C1orf146: variants seen among roughly 807,000 people sequenced by gnomAD.
C1orf146 encodes chromosome 1 open reading frame 146.
C1orf146 carries 22 observed loss-of-function variants against 23.0 expected under a neutral mutation model. The observed-to-expected ratio is 0.96, with a 90% CI of 0.68 to 1.36. C1orf146 has a LOEUF of 1.36. Ranked by LOEUF, C1orf146 falls within the 40% of genes most tolerant of loss-of-function variation. The pLI, the probability that C1orf146 is intolerant of heterozygous loss-of-function variation, is 0.00. For missense variants in C1orf146, 199 were observed against 206.8 expected, an observed-to-expected ratio of 0.96 and a Z score of 0.23; for synonymous variants, 59 against 65.3, an observed-to-expected ratio of 0.90 and a Z score of 0.47.
At chr1:92,226,696 T>C (rs1430266045) in intron 1 of C1orf146, among the ~76,000 whole-genome samples, 1 of 152,198 alleles carries the variant, frequency 6.6e-6, no homozygotes, top group African/African-American at 2.4e-5. Context: ...AAGCAGCATA[T>C]GGTTTTTCCC....
chr1:92,226,011 T>A (rs1027984388), intron 1 of C1orf146, among the ~76,000 whole-genome samples: 14 of 152,324 alleles, frequency 9.2e-5, no homozygotes, highest in African/African-American at 3.4e-4. Flanking sequence ...ATTTAAAAAA[T>A]TTTTAAATTG....
chr1:92,223,019 T>A (rs555073947), intron 1 of C1orf146, among the ~76,000 whole-genome samples: 5 of 152,362 alleles, frequency 3.3e-5, no homozygotes, highest in Admixed American at 6.5e-5. Context: ...TTCCTTTTTG[T>A]TGCTGAGTAA....
intron 2 of C1orf146, among the ~76,000 whole-genome samples, chr1:92,236,571 C>G (rs1232089646): frequency 6.6e-6 from 1 of 152,108 alleles, no homozygotes; most frequent in African/African-American, 2.4e-5. Flanking sequence ...TTTGGTGAAT[C>G]TGACAATTAT....
chr1:92,241,985 G>A (rs1557491951), intron 2 of C1orf146, among the ~76,000 whole-genome samples: 1 of 152,158 alleles, frequency 6.6e-6, no homozygotes, highest in Non-Finnish European at 1.5e-5. Context: ...TAACATAACT[G>A]TAGTACGTAA....
intron 4 of C1orf146, 38 bp downstream of exon 4, chr1:92,244,423 A>C: frequency 6.9e-7 from 1 of 1,449,958 alleles, no homozygotes; most frequent in South Asian, 1.3e-5. Flanking sequence ...TTTTTCTTAT[A>C]TTGTATTTAT....
intron 3 of C1orf146, among the ~76,000 whole-genome samples, chr1:92,242,662 A>T (rs564918028): frequency 2.0e-5 from 3 of 152,340 alleles, no homozygotes; most frequent in Non-Finnish European, 4.4e-5. Flanking sequence ...AAAAAAATAG[A>T]ATGTTTTCCA....
chr1:92,218,883 C>G (rs963595809), intron 1 of C1orf146, among the ~76,000 whole-genome samples: 3 of 152,210 alleles, frequency 2.0e-5, no homozygotes, highest in Non-Finnish European at 4.4e-5. Flanking sequence ...CCCAGAAATG[C>G]TGAGAAGGCA....
At chr1:92,234,501 C>G (rs12089877) in intron 2 of C1orf146, among the ~76,000 whole-genome samples, 2,511 of 152,146 alleles carry the variant, frequency 0.017, 85 homozygotes, top group African/African-American at 0.057. Flanking sequence ...TGTGCTGCTG[C>G]ATTCGGTTTG....
At chr1:92,231,293 T>C in intron 1 of C1orf146, 89 bp from the exon 2 acceptor site, 1 of 592,970 alleles carries the variant, frequency 1.7e-6, no homozygotes, top group Non-Finnish European at 2.9e-6. Flanking sequence ...TTCTTTAAAA[T>C]GTCTCCAATA....
Position 92,245,757 on chromosome 1 carries a change from C to A in C1orf146, c.*83C>A. On this transcript the variant is annotated 3_prime_UTR_variant, in exon 6 of 6. Coordinates refer to ENST00000370375, the MANE Select transcript of C1orf146 (RefSeq NM_001012425.2). ...TAATATTCAAATATCTATTTAAAGA[C>A]ATTTATATTAATTTGAAATAATAAC... is the stretch of plus-strand genomic sequence containing the variant. 1.2e-6 allele frequency: 1 copy of A among 812,408 alleles called. No homozygotes were observed. The highest frequency in any genetic ancestry group is 1.8e-6 in the Non-Finnish European group (1 of 546,864). The allele number at this position is 812,408 out of a possible 1,614,324, so 50.3% of individuals were successfully genotyped here.
At chr1:92,234,529 A>T (rs1016821899) in intron 2 of C1orf146, among the ~76,000 whole-genome samples, 59 of 152,144 alleles carry the variant, frequency 3.9e-4, no homozygotes, top group Middle Eastern at 6.8e-3. Flanking sequence ...TTTATTGAGG[A>T]TTTTTGCATC....
chr1:92,239,690 T>TG (rs138944872), intron 2 of C1orf146, among the ~76,000 whole-genome samples: 2,117 of 151,944 alleles, frequency 0.014, 51 homozygotes, highest in African/African-American at 0.048. Context: ...AGGCAGAGGT[T>TG]GCAGTGTCCA....
chr1:92,223,595 C>T (rs759970399), intron 1 of C1orf146, among the ~76,000 whole-genome samples: 54 of 151,790 alleles, frequency 3.6e-4, no homozygotes, highest in African/African-American at 1.1e-3. Flanking sequence ...TACAATGGCA[C>T]GATCTCAGCT....
chr1:92,243,337 A>T (rs1478066627), intron 3 of C1orf146, among the ~76,000 whole-genome samples: 1 of 152,010 alleles, frequency 6.6e-6, no homozygotes, highest in Non-Finnish European at 1.5e-5. Flanking sequence ...GAGTGTATTA[A>T]TTTATATAAT....
At chr1:92,222,028 G>GGT in intron 1 of C1orf146, among the ~76,000 whole-genome samples, 1 of 152,220 alleles carries the variant, frequency 6.6e-6, no homozygotes, top group South Asian at 2.1e-4. Context: ...GATCACCTGA[G>GGT]GTCAGGAGTG....
At chr1:92,235,998 G>A (rs1652267158) in intron 2 of C1orf146, among the ~76,000 whole-genome samples, 3 of 152,112 alleles carry the variant, frequency 2.0e-5, no homozygotes, top group South Asian at 4.1e-4. Flanking sequence ...TTGAGCCTAT[G>A]TGTGTCTCTG....
intron 2 of C1orf146, among the ~76,000 whole-genome samples, chr1:92,237,259 G>T (rs932254584): frequency 3.9e-5 from 6 of 152,116 alleles, no homozygotes; most frequent in African/African-American, 1.4e-4. Flanking sequence ...GGTCTTTGAT[G>T]ATGGTGATGT....
intron 5 of C1orf146, among the ~76,000 whole-genome samples, 155 bp downstream of exon 5, chr1:92,245,012 C>CAA (rs2100753352): frequency 6.6e-6 from 1 of 152,298 alleles, no homozygotes; most frequent in South Asian, 2.1e-4. Context: ...AAGCCTAACT[C>CAA]TCTTAAGTCT....
At chr1:92,235,828 C>T (rs1432591592) in intron 2 of C1orf146, among the ~76,000 whole-genome samples, 1 of 152,122 alleles carries the variant, frequency 6.6e-6, no homozygotes, top group Non-Finnish European at 1.5e-5. Flanking sequence ...GGATAGTTAG[C>T]TCCTCTTGTT....
Sources: gnomAD v4.1 joint callset for allele counts (sites outside exome capture counted in the v4.1 genomes callset) on GRCh38, gnomAD v4.1.1 for gene constraint, MANE v1.5 for transcripts, NCBI Gene and HGNC (gene_info 2026-07-23, HGNC 2026-07-21) for gene names.